The following KCNJ16 variants were observed in gnomAD, a reference collection of about 807,000 sequenced individuals.
KCNJ16 encodes the protein inward rectifier potassium channel 16.
Under a neutral mutation model 18.5 loss-of-function variants are expected in KCNJ16, and 15 were observed. The ratio of observed to expected loss-of-function variants is 0.81; its 90% CI spans 0.54 to 1.25. The LOEUF is 1.25. Ranked by LOEUF, KCNJ16 falls within the 50% of genes most tolerant of loss-of-function variation. KCNJ16 has a pLI of 0.00. For missense variants in KCNJ16, 523 were observed against 525.7 expected (o/e 0.99, Z 0.05); for synonymous variants, 174 against 186.5 (o/e 0.93, Z 0.55).
intron 2 of KCNJ16, among the ~76,000 whole-genome samples, chr17:70,107,030 C>G (rs2072964514): frequency 6.6e-6 from 1 of 152,142 alleles, no homozygotes; most frequent in Non-Finnish European, 1.5e-5. Context: ...TCAGCCAAAG[C>G]AGAAGTTCCT....
At chr17:70,081,523 G>C (rs1023231979) in intron 1 of KCNJ16, among the ~76,000 whole-genome samples, 2 of 152,134 alleles carry the variant, frequency 1.3e-5, no homozygotes, top group African/African-American at 4.8e-5. Context: ...CCACATGCAG[G>C]AATCAAGTAC....
chr17:70,101,917 T>C lies in KCNJ16; in HGVS notation c.-191+1151T>C, dbSNP rs562814865. 2.0e-5 allele frequency: 3 copies of C among 152,330 alleles called. No homozygotes were observed. The South Asian group carries it at 6.2e-4, about 32-fold the overall frequency. 9.4% of individuals were successfully genotyped at this position (152,330 alleles called of 1,614,324 possible). ...AGTTAACGTTTACTGAAAAGTATTA[T>C]CACAGAATTTATATTTTCTATAGTT... On this transcript the variant is annotated intron_variant, in intron 2 of 3. Transcript: ENST00000392671.
chr17:70,113,574 C>A (rs993634140), intron 2 of KCNJ16, among the ~76,000 whole-genome samples: 1 of 152,184 alleles, frequency 6.6e-6, no homozygotes. Flanking sequence ...AAACACCTTA[C>A]CATCATGGTT....
intron 1 of KCNJ16, among the ~76,000 whole-genome samples, chr17:70,096,113 G>C (rs1567784805): frequency 1.3e-5 from 2 of 151,938 alleles, no homozygotes; most frequent in Non-Finnish European, 2.9e-5. Flanking sequence ...TTGATCTCCT[G>C]ACCTCGTGAT....
At chr17:70,083,138 T>C (rs1259335900) in intron 1 of KCNJ16, among the ~76,000 whole-genome samples, 1 of 150,930 alleles carries the variant, frequency 6.6e-6, no homozygotes, top group Non-Finnish European at 1.5e-5. Context: ...CACTGCAACC[T>C]CCACCTCCCA....
At position 70,087,519 on chromosome 17, in the gene KCNJ16, T is replaced by A. The variant is rs530335549; in HGVS notation, c.-300+12129T>A. On this transcript the variant is annotated intron_variant, in intron 1 of 3. Coordinates refer to ENST00000392671, the MANE Select transcript of KCNJ16 (RefSeq NM_170741.4). ...GAATTCGAGATCAGCCTGGCCAACA[T>A]GGTGAAACCCGTTCTCTACTAAAAA... Among the ~76,000 whole-genome samples the A allele has an allele frequency of 2.6e-5, 4 of 152,134 alleles. No individual in the cohort carries two copies. In the South Asian group the frequency reaches 6.2e-4, roughly 24 times the overall value.
At chr17:70,110,569 T>G in intron 2 of KCNJ16, among the ~76,000 whole-genome samples, 1 of 152,160 alleles carries the variant, frequency 6.6e-6, no homozygotes, top group East Asian at 1.9e-4. Flanking sequence ...AGCTTCTGGC[T>G]GCAGAAGGAA....
chr17:70,083,513 ATACT>A (rs904945067), intron 1 of KCNJ16, among the ~76,000 whole-genome samples: 80 of 152,142 alleles, frequency 5.3e-4, no homozygotes, highest in African/African-American at 1.8e-3. Context: ...GACAACACAA[ATACT>A]TACCATTGTG....
intron 1 of KCNJ16, among the ~76,000 whole-genome samples, chr17:70,096,076 G>A (rs2072358012): frequency 6.6e-6 from 1 of 151,550 alleles, no homozygotes; most frequent in Admixed American, 6.6e-5. Flanking sequence ...GTAGAGACGG[G>A]GTTTCGCTGT....
At chr17:70,105,543 C>T (rs577357099) in intron 2 of KCNJ16, among the ~76,000 whole-genome samples, 8 of 152,220 alleles carry the variant, frequency 5.3e-5, no homozygotes, top group African/African-American at 9.6e-5. Context: ...TAATAAAATA[C>T]GTTGACATCA....
At chr17:70,087,444 A>G (rs144110804) in intron 1 of KCNJ16, among the ~76,000 whole-genome samples, 217 of 152,228 alleles carry the variant, frequency 1.4e-3, no homozygotes, top group African/African-American at 4.9e-3. Flanking sequence ...GCTCACACCT[A>G]TAATCCCAGC....
At chr17:70,093,607 A>G (rs925547049) in intron 1 of KCNJ16, among the ~76,000 whole-genome samples, 1 of 152,202 alleles carries the variant, frequency 6.6e-6, no homozygotes, top group Non-Finnish European at 1.5e-5. Context: ...CCCATAATAG[A>G]TAGTGATGAC....
intron 2 of KCNJ16, among the ~76,000 whole-genome samples, chr17:70,118,968 T>A (rs76339405): frequency 0.014 from 2,104 of 152,232 alleles, 45 homozygotes; most frequent in African/African-American, 0.048. Flanking sequence ...CTATGACAGG[T>A]TAGTTACTTC....
intron 1 of KCNJ16, among the ~76,000 whole-genome samples, chr17:70,088,227 G>A (rs935962903): frequency 6.6e-6 from 1 of 151,994 alleles, no homozygotes; most frequent in Non-Finnish European, 1.5e-5. Context: ...CACGGATGGA[G>A]GAGAGAGGGG....
rs547373919 is a variant in KCNJ16, at chr17:70,099,568, T to C, written c.-299-1090T>C. Among the ~76,000 whole-genome samples the C allele has an allele frequency of 3.9e-5, 6 of 152,042 alleles. No homozygotes were observed. The East Asian group carries it at 1.2e-3, about 30-fold the overall frequency. On this transcript the variant is annotated intron_variant, in intron 1 of 3. Coordinates refer to ENST00000392671, the MANE Select transcript of KCNJ16 (RefSeq NM_170741.4). ...ACAGTCAAGTAGAGACGGACAGCCA[T>C]CTTGAGGGGTGTTGTGGAGGAGCTG...
intron 2 of KCNJ16, among the ~76,000 whole-genome samples, chr17:70,120,161 G>A (rs1309201134): frequency 1.3e-5 from 2 of 152,184 alleles, no homozygotes; most frequent in Non-Finnish European, 2.9e-5. Flanking sequence ...CCAAGTTCAT[G>A]CATGAGTCAC....
At chr17:70,090,190 T>A (rs1256809969) in intron 1 of KCNJ16, among the ~76,000 whole-genome samples, 1 of 152,230 alleles carries the variant, frequency 6.6e-6, no homozygotes, top group Non-Finnish European at 1.5e-5. Flanking sequence ...GAAAGGCTGA[T>A]GGTGGTGATT....
intron 1 of KCNJ16, among the ~76,000 whole-genome samples, chr17:70,096,486 A>C (rs989415616): frequency 9.2e-5 from 14 of 152,060 alleles, no homozygotes; most frequent in Non-Finnish European, 1.8e-4. Context: ...AAAAATTTTT[A>C]TAGTAACATT....
chr17:70,112,514 A>T (rs1279473378), intron 2 of KCNJ16, among the ~76,000 whole-genome samples: 1 of 152,120 alleles, frequency 6.6e-6, no homozygotes, highest in Non-Finnish European at 1.5e-5. Flanking sequence ...GAAAAAAAAA[A>T]ATAGTGTTGG....
Sources: allele counts gnomAD v4.1 joint callset (sites outside exome capture counted in the v4.1 genomes callset), GRCh38; gene constraint gnomAD v4.1.1; transcripts MANE v1.5; gene names NCBI Gene and HGNC (gene_info 2026-07-23, HGNC 2026-07-21).